The following PCDH15 variants were observed in gnomAD, a reference collection of about 807,000 sequenced individuals.
PCDH15 encodes protocadherin-15.
PCDH15 carries 129 observed loss-of-function variants against 178.5 expected under a neutral mutation model. The ratio of observed to expected loss-of-function variants is 0.72; its 90% CI spans 0.63 to 0.84. The LOEUF (loss-of-function observed/expected upper bound fraction) is 0.84. PCDH15 is among the 40% of genes least tolerant of loss of function. The pLI, the probability that PCDH15 is intolerant of heterozygous loss-of-function variation, is 0.00. For synonymous variants in PCDH15, 800 were observed against 732.0 expected, an observed-to-expected ratio of 1.09 and a Z score of -1.50; for missense variants, 2,230 against 2,099.9, an observed-to-expected ratio of 1.06 and a Z score of -1.21.
chr10:55,398,969 TGTG>T (rs958784612), intron 2 of PCDH15, among the ~76,000 whole-genome samples: 1 of 152,134 alleles, frequency 6.6e-6, no homozygotes, highest in Non-Finnish European at 1.5e-5. Flanking sequence ...GAAAAAATGT[TGTG>T]TAGAATAACT....
intron 8 of PCDH15, among the ~76,000 whole-genome samples, chr10:54,274,166 C>T (rs1042680744): frequency 2.6e-5 from 4 of 150,980 alleles, no homozygotes; most frequent in Admixed American, 1.3e-4. Context: ...AGGGAGAAGA[C>T]AAAAAAAATA....
chr10:55,255,031 C>T (rs1437365441), intron 1 of PCDH15, among the ~76,000 whole-genome samples: 1 of 151,902 alleles, frequency 6.6e-6, no homozygotes, highest in Non-Finnish European at 1.5e-5. Context: ...ATACATGTGC[C>T]ATGTTGGTGT....
At chr10:53,998,604 T>G (rs987082046) in intron 20 of PCDH15, among the ~76,000 whole-genome samples, 8 of 151,928 alleles carry the variant, frequency 5.3e-5, no homozygotes, top group African/African-American at 1.7e-4. Context: ...AATGACAAGT[T>G]GAAGTTCTAC....
At position 54,378,857 on chromosome 10, in the gene PCDH15, C is replaced by T. The variant is rs151119732; in HGVS notation, c.243G>A (p.Val81=). The change falls in exon 4 of 38, where the codon GTG becomes GTA. Residue 81 remains valine (V), a synonymous_variant. Transcript: ENST00000644397. ...CAGGATCCATCAACACCCAGTAATC[C>T]ACATTATCCTTTAAAGAAAGTTCTA... The part of the protein sequence containing the change: ...PTIELSLKDN[V]DYWVLMDPVK... The T allele has an allele frequency of 5.3e-4, 861 of 1,613,718 alleles. 4 individuals are homozygous for T. Among genetic ancestry groups the T allele is most frequent in the Admixed American group, 1.5e-3 (91 of 59,936 alleles).
chr10:54,668,600 T>C (rs1481694395), intron 1 of PCDH15, among the ~76,000 whole-genome samples: 1 of 152,216 alleles, frequency 6.6e-6, no homozygotes, highest in Admixed American at 6.6e-5. Flanking sequence ...CACAAAGGTC[T>C]GTCCTTTTTC....
At chr10:54,656,237 G>A (rs1280772945) in intron 2 of PCDH15, among the ~76,000 whole-genome samples, 2 of 152,014 alleles carry the variant, frequency 1.3e-5, no homozygotes, top group East Asian at 1.9e-4. Context: ...TGAGAGCCAG[G>A]ACCTGTCAGA....
At chr10:55,117,168 G>T (rs1159556236) in intron 2 of PCDH15, among the ~76,000 whole-genome samples, 3 of 152,082 alleles carry the variant, frequency 2.0e-5, no homozygotes, top group Non-Finnish European at 4.4e-5. Flanking sequence ...TTTGTCACAG[G>T]TGTCTTAGCC....
chr10:54,454,185 ATATT>A (rs1190583210), intron 3 of PCDH15, among the ~76,000 whole-genome samples: 1 of 149,492 alleles, frequency 6.7e-6, no homozygotes, highest in East Asian at 1.9e-4. Context: ...ATATGCATAT[ATATT>A]TAATTTTTAA....
At chr10:54,576,706 T>C (rs2090511190) in intron 2 of PCDH15, among the ~76,000 whole-genome samples, 1 of 152,148 alleles carries the variant, frequency 6.6e-6, no homozygotes, top group South Asian at 2.1e-4. Context: ...AGATAAAACG[T>C]TGGACACTGG....
chr10:55,083,719 G>A (rs1478486541), intron 2 of PCDH15, among the ~76,000 whole-genome samples: 1 of 151,916 alleles, frequency 6.6e-6, no homozygotes, highest in Non-Finnish European at 1.5e-5. Flanking sequence ...ATTCAGTTAA[G>A]TTGTAGGGTA....
chr10:54,788,488 A>G (rs896722099), intron 1 of PCDH15, among the ~76,000 whole-genome samples: 3 of 151,966 alleles, frequency 2.0e-5, no homozygotes, highest in African/African-American at 7.2e-5. Flanking sequence ...ATTTAACGGT[A>G]GATAAAATAA....
intron 2 of PCDH15, among the ~76,000 whole-genome samples, chr10:55,454,552 C>T (rs928741301): frequency 1.7e-4 from 25 of 149,956 alleles, no homozygotes; most frequent in African/African-American, 5.7e-4. Context: ...CTGAGGTGGG[C>T]GGATCATGAG....
chr10:54,503,269 A>T (rs1364432730), intron 3 of PCDH15, among the ~76,000 whole-genome samples: 1 of 85,944 alleles, frequency 1.2e-5, no homozygotes. Flanking sequence ...GTGTGTGATT[A>T]TATATATTTA....
Position 54,796,282 on chromosome 10 carries a change from GTATCTATC to G in PCDH15, c.-29+4635_-29+4642del, listed in dbSNP as rs57641746. Among the ~76,000 whole-genome samples, 648 of 126,406 alleles carry G rather than the reference GTATCTATC, an allele frequency of 5.1e-3. 2 individuals carry two copies. The highest frequency in any genetic ancestry group is 0.015 in the African/African-American group (483 of 32,858). 82.9% of individuals were successfully genotyped at this position (126,406 alleles called of 152,430 possible). The stretch of plus-strand genomic sequence containing the variant: ...TCTATCTATCTATCTATGTATCTAT[GTATCTATC>G]TATCTATCTATCTATCTATCTATCT... On this transcript the variant is annotated intron_variant, in intron 1 of 37. Coordinates refer to ENST00000644397, the MANE Select transcript of PCDH15 (RefSeq NM_001384140.1).
At position 54,640,408 on chromosome 10, in the gene PCDH15, C is replaced by G. The variant is rs561759901; in HGVS notation, c.91+23764G>C. On this transcript the variant is annotated intron_variant, in intron 2 of 37. Transcript: ENST00000644397. ...GATATATAAGTATGTACCTTTAATA[C>G]TTTTCTATTTGTTAAATATAGCTTA... 3.3e-5 allele frequency among the ~76,000 whole-genome samples: 5 copies of G among 151,478 alleles called. No homozygotes were observed. The South Asian group carries it at 1.0e-3, about 32-fold the overall frequency.
At chr10:54,361,530 C>T (rs1946047752) in intron 5 of PCDH15, among the ~76,000 whole-genome samples, 1 of 144,740 alleles carries the variant, frequency 6.9e-6, no homozygotes, top group Non-Finnish European at 1.6e-5. Flanking sequence ...TTAATAACTA[C>T]CCTAAAAGTA....
chr10:54,341,387 G>T (rs560687831), intron 6 of PCDH15, among the ~76,000 whole-genome samples: 1 of 152,158 alleles, frequency 6.6e-6, no homozygotes, highest in Non-Finnish European at 1.5e-5. Flanking sequence ...GCCTCCTGCT[G>T]CATGTAAGAT....
intron 3 of PCDH15, among the ~76,000 whole-genome samples, chr10:54,421,054 T>C (rs999808786): frequency 6.6e-6 from 1 of 152,124 alleles, no homozygotes; most frequent in African/African-American, 2.4e-5. Context: ...TATAGCTTTC[T>C]ACCATTTTCA....
intron 3 of PCDH15, among the ~76,000 whole-genome samples, chr10:54,486,816 G>T (rs560183659): frequency 7.9e-5 from 12 of 152,050 alleles, no homozygotes; most frequent in South Asian, 4.1e-4. Context: ...ACAGGGGCTT[G>T]CCCTTTTCTT....
Sources: gnomAD v4.1 joint callset for allele counts (sites outside exome capture counted in the v4.1 genomes callset) on GRCh38, gnomAD v4.1.1 for gene constraint, MANE v1.5 for transcripts, NCBI Gene and HGNC (gene_info 2026-07-23, HGNC 2026-07-21) for gene names.